NRXN2: variants seen among roughly 807,000 people sequenced by gnomAD.
NRXN2 encodes neurexin 2, also known as neurexin-2-beta.
In NRXN2, 29 loss-of-function variants were observed where a neutral mutation model predicts 128.8. That is an observed-to-expected ratio of 0.23 (90% CI 0.17 to 0.31). The LOEUF (loss-of-function observed/expected upper bound fraction) is 0.31. Ranked by LOEUF, NRXN2 falls within the 10% of genes least tolerant of loss-of-function variation. The pLI is 1.00. For synonymous variants in NRXN2, 1,098 were observed against 1,075.2 expected, an observed-to-expected ratio of 1.02 and a Z score of -0.41; for missense variants, 1,881 against 2,452.6, an observed-to-expected ratio of 0.77 and a Z score of 4.92.
At chr11:64,699,852 C>T (rs984478588) in intron 2 of NRXN2, among the ~76,000 whole-genome samples, 3 of 152,174 alleles carry the variant, frequency 2.0e-5, no homozygotes, top group Admixed American at 6.5e-5. Context: ...AGACCCTGGT[C>T]AGTCAGCACA....
chr11:64,635,550 C>T lies in NRXN2; in HGVS notation c.3404-98G>A. 1 of 1,334,720 alleles carries T rather than the reference C, an allele frequency of 7.5e-7. No individual in the cohort carries two copies. The highest frequency in any genetic ancestry group is 1.2e-5 in the South Asian group (1 of 80,648). 82.7% of individuals were successfully genotyped at this position (1,334,720 alleles called of 1,614,324 possible). ...TGACCAGAGGGATGGAACCCCAGGT[C>T]TAGATGTGGGACTTCAGCTGTGATA... is the stretch of plus-strand genomic sequence containing the variant. On this transcript the variant is annotated intron_variant, in intron 17 of 22. Coordinates refer to ENST00000265459, the MANE Select transcript of NRXN2 (RefSeq NM_015080.4). The surrounding 1 kb of genome is among the most constrained non-coding windows in gnomAD (Gnocchi z 4.8).
At chr11:64,624,233 G>A (rs562338333) in intron 20 of NRXN2, among the ~76,000 whole-genome samples, 1 of 152,200 alleles carries the variant, frequency 6.6e-6, no homozygotes, top group Admixed American at 6.5e-5. Context: ...CCCGGGCTGA[G>A]GACAGTCCAA....
chr11:64,672,470 G>A (rs1392341839), intron 7 of NRXN2, among the ~76,000 whole-genome samples: 1 of 152,212 alleles, frequency 6.6e-6, no homozygotes, highest in African/African-American at 2.4e-5. Flanking sequence ...GACTTAATCT[G>A]GGGAGAACAA....
At chr11:64,690,583 G>T in intron 4 of NRXN2, 107 bp from the exon 5 acceptor site, 3 of 978,254 alleles carry the variant, frequency 3.1e-6, no homozygotes, top group East Asian at 2.5e-5. Flanking sequence ...CTGCTTGCAC[G>T]GACAGGGGAG....
rs1378124607 is a variant in NRXN2, at chr11:64,648,502, T to G, written c.3284-164A>C. 6.6e-6 allele frequency among the ~76,000 whole-genome samples: 1 copy of G among 152,208 alleles called. No individual in the cohort carries two copies. Among genetic ancestry groups the G allele is most frequent in the Admixed American group, 6.5e-5 (1 of 15,284 alleles). The stretch of plus-strand genomic sequence containing the variant: ...GGGATTGGGGCAGGAGGGTCAGGTC[T>G]GCTAGGCTTGGCCTTGGACTGTGAC... On this transcript the variant is annotated intron_variant, in intron 16 of 22. Transcript: ENST00000265459. The surrounding 1 kb of genome is among the most constrained non-coding windows in gnomAD (Gnocchi z 4.1).
chr11:64,704,739 G>A (rs1329263563), intron 2 of NRXN2, among the ~76,000 whole-genome samples: 1 of 149,416 alleles, frequency 6.7e-6, no homozygotes, highest in Non-Finnish European at 1.5e-5. Flanking sequence ...GCTAATATAA[G>A]AATTCAGAAG....
intron 17 of NRXN2, chr11:64,643,198 G>C (rs2046028552): frequency 1.0e-6 from 1 of 974,682 alleles, no homozygotes; most frequent in South Asian, 4.8e-5. Flanking sequence ...AAATCCTGCG[G>C]AAAAACCGAG....
intron 2 of NRXN2, among the ~76,000 whole-genome samples, chr11:64,704,020 A>C (rs964759319): frequency 1.3e-5 from 2 of 152,162 alleles, no homozygotes; most frequent in African/African-American, 4.8e-5. Context: ...AGGGGCATCT[A>C]GCTTGTCTCT....
chr11:64,644,337 G>A (rs1460766678), intron 17 of NRXN2, among the ~76,000 whole-genome samples: 1 of 151,416 alleles, frequency 6.6e-6, no homozygotes, highest in African/African-American at 2.4e-5. Context: ...CCAGCCCCCT[G>A]CACAAGCCTC....
chr11:64,660,525 G>A lies in NRXN2; in HGVS notation c.2196C>T (p.Val732=). 1 of 1,614,160 alleles carries A rather than the reference G, an allele frequency of 6.2e-7. No individual in the cohort carries two copies. Among genetic ancestry groups the A allele is most frequent in the Non-Finnish European group, 8.5e-7 (1 of 1,180,026 alleles). ...TGTACATGGAGCCATCGTAGCTCAGGACCGTGGCCTCTGCCCACAGGAGTT... is the reference window on the plus strand; with the variant it reads ...TGTACATGGAGCCATCGTAGCTCAGAACCGTGGCCTCTGCCCACAGGAGTT... ...LGRVCEREAT[V]LSYDGSMYMK... Residue 732 remains valine (V), a synonymous_variant, in exon 11 of 23, where the codon GTC becomes GTT. Coordinates refer to ENST00000265459, the MANE Select transcript of NRXN2 (RefSeq NM_015080.4). The surrounding 1 kb of genome is among the most constrained non-coding windows in gnomAD (Gnocchi z 5.2).
At chr11:64,718,512 C>A (rs907713127) in intron 1 of NRXN2, among the ~76,000 whole-genome samples, 3 of 152,186 alleles carry the variant, frequency 2.0e-5, no homozygotes, top group Non-Finnish European at 4.4e-5. Context: ...GGGGGAGATT[C>A]TGGCTCAGGC....
At chr11:64,688,087 G>A (rs2053310046) in intron 5 of NRXN2, among the ~76,000 whole-genome samples, 1 of 151,310 alleles carries the variant, frequency 6.6e-6, no homozygotes, top group Non-Finnish European at 1.5e-5. Flanking sequence ...AAAGAATAAG[G>A]CAACCATGTG....
At chr11:64,609,541 G>A (rs2135261955) in intron 22 of NRXN2, among the ~76,000 whole-genome samples, 1 of 152,202 alleles carries the variant, frequency 6.6e-6, no homozygotes. Context: ...GCCCCCAAAA[G>A]GTGAGAACTA....
In NRXN2 at chr11:64,632,603, G is replaced by A. The variant is rs563854082; in HGVS notation, c.3586-2030C>T. On this transcript the variant is annotated intron_variant, in intron 18 of 22. Transcript: ENST00000265459. The surrounding 1 kb of genome is among the most constrained non-coding windows in gnomAD (Gnocchi z 4.2). The stretch of plus-strand genomic sequence containing the variant: ...TGGTCAAGGAGCACATGCAGTCTGA[G>A]AGCCAGGCTGGCAGAGTGCCGGCCA... Among the ~76,000 whole-genome samples the A allele has an allele frequency of 1.2e-4, 19 of 152,296 alleles. No individual in the cohort carries two copies. Among genetic ancestry groups the A allele is most frequent in the African/African-American group, 4.6e-4 (19 of 41,564 alleles).
chr11:64,612,346 G>T (rs1304977127), intron 22 of NRXN2, among the ~76,000 whole-genome samples: 1 of 152,126 alleles, frequency 6.6e-6, no homozygotes, highest in Non-Finnish European at 1.5e-5. Flanking sequence ...GGTGCTCCTA[G>T]GAGCCAGAGG....
At position 64,623,270 on chromosome 11, in the gene NRXN2, T is replaced by A; in HGVS notation, c.3848-192A>T. On this transcript the variant is annotated intron_variant, in intron 20 of 22. Coordinates refer to ENST00000265459, the MANE Select transcript of NRXN2 (RefSeq NM_015080.4). This position sits in a 1 kb window ranked among gnomAD's most constrained non-coding sequence, Gnocchi z 4.9. ...GAAAGTCCTTGTCAGCCACAGCCCCTAGCCCAGCCAGGTGGGGACCCCAGA... is the reference window on the plus strand; with the variant it reads ...GAAAGTCCTTGTCAGCCACAGCCCCAAGCCCAGCCAGGTGGGGACCCCAGA... 1 of 1,028,606 alleles carries A rather than the reference T, an allele frequency of 9.7e-7. No individual in the cohort carries two copies. The highest frequency in any genetic ancestry group is 1.4e-6 in the Non-Finnish European group (1 of 730,164). 63.7% of individuals were successfully genotyped at this position (1,028,606 alleles called of 1,614,324 possible).
At chr11:64,686,064 C>A (rs895342531) in intron 5 of NRXN2, 117 bp from the exon 6 acceptor site, 7 of 1,106,514 alleles carry the variant, frequency 6.3e-6, no homozygotes, top group Non-Finnish European at 6.7e-6. Context: ...GCCCAGAGGT[C>A]CCAACCTGTA....
intron 22 of NRXN2, among the ~76,000 whole-genome samples, chr11:64,614,333 CAAGGA>C (rs2041131203): frequency 6.6e-6 from 1 of 152,180 alleles, no homozygotes; most frequent in African/African-American, 2.4e-5. Context: ...GGCAGAGCAA[CAAGGA>C]AATAAATGAG....
intron 2 of NRXN2, among the ~76,000 whole-genome samples, chr11:64,706,129 A>T (rs7934048): frequency 0.11 from 2,771 of 24,880 alleles, 159 homozygotes; most frequent in Non-Finnish European, 0.17. Flanking sequence ...TAATATATAT[A>T]ATATATATTA....
Sources: allele counts gnomAD v4.1 joint callset (sites outside exome capture counted in the v4.1 genomes callset), GRCh38; gene constraint gnomAD v4.1.1; non-coding constraint Gnocchi (gnomAD v3.1); transcripts MANE v1.5; gene names NCBI Gene and HGNC (gene_info 2026-07-23, HGNC 2026-07-21).